Variants in PCCA observed in about 807,000 individuals in gnomAD.
The protein encoded by PCCA is propionyl-CoA carboxylase subunit alpha.
A neutral mutation model predicts 101.3 loss-of-function variants in PCCA; 74 were observed. The observed-to-expected ratio is 0.73, with a 90% CI of 0.61 to 0.89. PCCA has a LOEUF of 0.89. PCCA is among the 40% of genes least tolerant of loss of function. The probability of loss-of-function intolerance (pLI) is 0.00; values close to 1 mark genes in which losing one functional copy is unlikely to be tolerated. For missense variants in PCCA, 891 were observed against 907.0 expected, an observed-to-expected ratio of 0.98 and a Z score of 0.23; for synonymous variants, 294 against 313.6, an observed-to-expected ratio of 0.94 and a Z score of 0.66.
intron 12 of PCCA, among the ~76,000 whole-genome samples, chr13:100,274,703 C>T (rs1049118076): frequency 2.6e-5 from 4 of 152,072 alleles, no homozygotes; most frequent in African/African-American, 7.2e-5. Context: ...CCAGGGTTCC[C>T]GTTTTCTGTA....
Position 100,330,605 on chromosome 13 carries a change from T to A in PCCA, c.1474T>A (p.Ser492Thr). Reference protein sequence around the residue: ...IALLREVIINSRFVKGDISTK... With the variant: ...IALLREVIINTRFVKGDISTK... ...ATTACTTCGAGAGGTGATAATCAAC[T>A]CACGCTTTGTAAAAGGAGACATCAG... Residue 492 changes from serine (S) to threonine (T), a missense_variant, in exon 17 of 24, where the codon TCA becomes ACA. By Grantham distance (58) the Ser-to-Thr change is moderately conservative (BLOSUM62 1). Coordinates refer to ENST00000376285, the MANE Select transcript of PCCA (RefSeq NM_000282.4). 6.2e-7 allele frequency: 1 copy of A among 1,612,976 alleles called. No individual in the cohort carries two copies. The highest frequency in any genetic ancestry group is 1.1e-5 in the South Asian group (1 of 91,064).
Position 100,090,454 on chromosome 13 carries a change from T to G in PCCA, c.105+1229T>G, listed in dbSNP as rs1351726752. Among the ~76,000 whole-genome samples the G allele has an allele frequency of 2.6e-5, 4 of 152,320 alleles. No individual in the cohort carries two copies. The East Asian group carries it at 7.7e-4, about 29-fold the overall frequency. On this transcript the variant is annotated intron_variant, in intron 1 of 23. Coordinates refer to ENST00000376285, the MANE Select transcript of PCCA (RefSeq NM_000282.4). ...AGTTAGTATGGTGTAAAGTGTGGGC[T>G]TTGGGGTCAGGCGCATGAGGCTTTG...
intron 4 of PCCA, among the ~76,000 whole-genome samples, chr13:100,129,820 G>T (rs866905427): frequency 1.3e-5 from 2 of 152,160 alleles, no homozygotes; most frequent in Non-Finnish European, 2.9e-5. Context: ...TCTCTTCTCA[G>T]TCTTGTGAGA....
chr13:100,237,589 A>G (rs977027992), intron 8 of PCCA: 4 of 152,248 alleles, frequency 2.6e-5, no homozygotes, highest in African/African-American at 9.6e-5. Context: ...GAGGCATATA[A>G]TATACCTACT....
chr13:100,428,185 G>GC (rs2079287464), intron 20 of PCCA, among the ~76,000 whole-genome samples: 1 of 151,886 alleles, frequency 6.6e-6, no homozygotes, highest in Admixed American at 6.6e-5. Flanking sequence ...TCCCACCTGA[G>GC]CCCCCCAGGT....
intron 18 of PCCA, among the ~76,000 whole-genome samples, chr13:100,360,367 T>C (rs890494404): frequency 6.6e-6 from 1 of 152,110 alleles, no homozygotes; most frequent in Admixed American, 6.6e-5. Context: ...AGGAACAAAG[T>C]TGCAGTACTT....
chr13:100,247,215 GTTTTTTTTTT>G (rs143058621), intron 8 of PCCA, among the ~76,000 whole-genome samples: 1 of 108,254 alleles, frequency 9.2e-6, no homozygotes, highest in Non-Finnish European at 1.8e-5. Flanking sequence ...GCCTGTGTGG[GTTTTTTTTTT>G]TTTTTTTTTT....
At chr13:100,529,259 C>T (rs2088159951) in intron 23 of PCCA, among the ~76,000 whole-genome samples, 2 of 152,202 alleles carry the variant, frequency 1.3e-5, no homozygotes, top group African/African-American at 4.8e-5. Context: ...GTCATCGCTG[C>T]ATCACTAACA....
rs138149179 is a variant in PCCA, at chr13:100,273,218, C to G, written c.937C>G (p.Arg313Gly). 1 of 1,613,104 alleles carries G rather than the reference C, an allele frequency of 6.2e-7. No individual in the cohort carries two copies. The highest frequency in any genetic ancestry group is 1.3e-5 in the African/African-American group (1 of 75,000). The part of the protein sequence containing the change: ...APSIFLDAET[R>G]RAMGEQAVAL... ...TAGCATTTTTTTGGATGCGGAGACT[C>G]GAAGAGCGATGGGAGAACAAGCTGT... The change falls in exon 12 of 24, where the codon CGA becomes GGA. Residue 313 changes from arginine (R) to glycine (G), a missense_variant. By Grantham distance (125) the Arg-to-Gly change is moderately radical. Transcript: ENST00000376285.
intron 6 of PCCA, among the ~76,000 whole-genome samples, chr13:100,178,933 T>C (rs1744801705): frequency 6.6e-6 from 1 of 151,492 alleles, no homozygotes; most frequent in South Asian, 2.1e-4. Context: ...AAATATTAGC[T>C]GGGCGTGGTG....
chr13:100,203,069 G>C (rs182261627), intron 6 of PCCA, among the ~76,000 whole-genome samples: 1 of 151,770 alleles, frequency 6.6e-6, no homozygotes, highest in South Asian at 2.1e-4. Flanking sequence ...TCAGGAGTTC[G>C]ATACCAGCTT....
chr13:100,190,421 G>A (rs922558332), intron 6 of PCCA, among the ~76,000 whole-genome samples: 10 of 151,870 alleles, frequency 6.6e-5, no homozygotes, highest in East Asian at 3.9e-4. Context: ...GGTGGCTCAC[G>A]CATGTAATCC....
intron 20 of PCCA, among the ~76,000 whole-genome samples, chr13:100,437,539 G>GTT (rs5806161): frequency 0.019 from 2,783 of 146,726 alleles, 45 homozygotes; most frequent in African/African-American, 0.037. Context: ...TTGTTTATTT[G>GTT]TTTTTTTTTT....
chr13:100,214,269 GA>G (rs778130142), intron 7 of PCCA, among the ~76,000 whole-genome samples: 1 of 151,970 alleles, frequency 6.6e-6, no homozygotes, highest in Non-Finnish European at 1.5e-5. Context: ...TTGGTATTTT[GA>G]TAAGGATTAT....
intron 19 of PCCA, among the ~76,000 whole-genome samples, chr13:100,398,342 C>T (rs989071830): frequency 2.6e-5 from 4 of 152,114 alleles, no homozygotes; most frequent in Non-Finnish European, 5.9e-5. Context: ...ACATTGAGAA[C>T]GTTACCTCAG....
intron 16 of PCCA, among the ~76,000 whole-genome samples, chr13:100,327,960 A>T (rs2068890630): frequency 6.6e-6 from 1 of 152,184 alleles, no homozygotes; most frequent in African/African-American, 2.4e-5. Flanking sequence ...ACGGTGGCTT[A>T]TGCCTATAAT....
rs571078639 is a variant in PCCA, at chr13:100,286,816, G to A, written c.1065+13470G>A. ...TATGAAAACATAACAGATATGATTT[G>A]TAGGTATTTTTCCTTATCTATTGCC... On this transcript the variant is annotated intron_variant, in intron 12 of 23. Coordinates refer to ENST00000376285, the MANE Select transcript of PCCA (RefSeq NM_000282.4). Among the ~76,000 whole-genome samples, 21 of 150,836 alleles carry A rather than the reference G, an allele frequency of 1.4e-4. 1 individual carries two copies. In the South Asian group the frequency reaches 4.0e-3, roughly 29 times the overall value.
chr13:100,222,144 G>A (rs1050269708), intron 7 of PCCA, among the ~76,000 whole-genome samples: 3 of 150,972 alleles, frequency 2.0e-5, no homozygotes, highest in East Asian at 2.0e-4. Flanking sequence ...GGGTTCAAGC[G>A]ATTCTCCTGC....
intron 22 of PCCA, among the ~76,000 whole-genome samples, chr13:100,522,262 G>A (rs902986434): frequency 2.0e-5 from 3 of 152,188 alleles, no homozygotes; most frequent in Non-Finnish European, 4.4e-5. Context: ...CGTACATTGT[G>A]TGCTCCTGCA....
Sources: gnomAD v4.1 joint callset for allele counts (sites outside exome capture counted in the v4.1 genomes callset) on GRCh38, gnomAD v4.1.1 for gene constraint, MANE v1.5 for transcripts, NCBI Gene and HGNC (gene_info 2026-07-23, HGNC 2026-07-21) for gene names.